The following ERC2 variants were observed in gnomAD, a reference collection of about 807,000 sequenced individuals.
The protein encoded by ERC2 is ELKS/RAB6-interacting/CAST family member 2, also known as ERC protein 2.
Under a neutral mutation model 114.8 loss-of-function variants are expected in ERC2, and 42 were observed. The observed-to-expected ratio is 0.37, with a 90% CI of 0.29 to 0.47. The LOEUF (loss-of-function observed/expected upper bound fraction) is 0.47. Ranked by LOEUF, ERC2 falls within the 20% of genes least tolerant of loss-of-function variation. The pLI is 0.99. For synonymous variants in ERC2, 454 were observed against 425.5 expected (o/e 1.07, Z -0.82); for missense variants, 939 against 1,150.7 (o/e 0.82, Z 2.66).
At chr3:56,104,109 G>C (rs980187527) in intron 6 of ERC2, among the ~76,000 whole-genome samples, 3 of 151,974 alleles carry the variant, frequency 2.0e-5, no homozygotes, top group African/African-American at 7.3e-5. Flanking sequence ...GACCATCTTT[G>C]TCGCTATGAC....
intron 14 of ERC2, among the ~76,000 whole-genome samples, chr3:55,825,473 T>C (rs1252822619): frequency 6.6e-6 from 1 of 152,256 alleles, no homozygotes; most frequent in Non-Finnish European, 1.5e-5. Flanking sequence ...AGAGTTTGTG[T>C]GTGCATATGT....
chr3:55,902,471 A>G (rs940665388), intron 13 of ERC2, among the ~76,000 whole-genome samples: 2 of 152,110 alleles, frequency 1.3e-5, no homozygotes, highest in Non-Finnish European at 2.9e-5. Context: ...AAAGACGCCC[A>G]CCCAAACAGT....
At chr3:55,764,795 A>G (rs983850242) in intron 14 of ERC2, among the ~76,000 whole-genome samples, 1 of 152,228 alleles carries the variant, frequency 6.6e-6, no homozygotes, top group Non-Finnish European at 1.5e-5. Flanking sequence ...GGCTAAATAT[A>G]GAGACATGGG....
At chr3:55,698,155 G>A (rs926657039) in intron 16 of ERC2, among the ~76,000 whole-genome samples, 2 of 151,772 alleles carry the variant, frequency 1.3e-5, no homozygotes, top group African/African-American at 2.4e-5. Context: ...ACTTGGCTTC[G>A]GAAATCTAGA....
chr3:56,322,369 A>C (rs1449462699), intron 2 of ERC2, among the ~76,000 whole-genome samples: 2 of 152,208 alleles, frequency 1.3e-5, no homozygotes, highest in African/African-American at 2.4e-5. Context: ...CACCACTTGC[A>C]TCAAGAGTTT....
chr3:55,670,501 T>C (rs949394115), intron 17 of ERC2, among the ~76,000 whole-genome samples: 1 of 152,148 alleles, frequency 6.6e-6, no homozygotes. Context: ...AGGGTCACCA[T>C]GGGGAATGCA....
chr3:56,302,271 G>C (rs745840992), intron 2 of ERC2, among the ~76,000 whole-genome samples: 5 of 152,100 alleles, frequency 3.3e-5, no homozygotes, highest in South Asian at 4.2e-4. Flanking sequence ...TGTACACTTT[G>C]ACTAGGAACT....
chr3:56,085,037 C>T (rs2077433296), intron 6 of ERC2, among the ~76,000 whole-genome samples: 1 of 152,150 alleles, frequency 6.6e-6, no homozygotes, highest in Non-Finnish European at 1.5e-5. Flanking sequence ...CCCAGCCTTT[C>T]AGCCTCAGTT....
rs9875894 is a variant in ERC2 at position 55,814,222 on chromosome 3, A to T, written c.2564+74167T>A. 5.8e-3 allele frequency among the ~76,000 whole-genome samples: 876 copies of T among 152,314 alleles called. 10 individuals carry two copies. Among genetic ancestry groups the T allele is most frequent in the African/African-American group, 0.02 (834 of 41,568 alleles). On this transcript the variant is annotated intron_variant, in intron 14 of 17. Coordinates refer to ENST00000288221, the MANE Select transcript of ERC2 (RefSeq NM_015576.3). ...AATTCAGGAAGATTTAAATTAGAAG[A>T]TTTTGGTTCCTAGACATGCATAATC...
chr3:55,589,404 C>T (rs772054519), intron 17 of ERC2, among the ~76,000 whole-genome samples: 6 of 152,134 alleles, frequency 3.9e-5, no homozygotes, highest in Middle Eastern at 6.3e-3. Flanking sequence ...AGACACGTGA[C>T]GGTCATTTGG....
At chr3:55,939,994 C>A (rs951957813) in intron 13 of ERC2, among the ~76,000 whole-genome samples, 1 of 152,222 alleles carries the variant, frequency 6.6e-6, no homozygotes, top group East Asian at 1.9e-4. Context: ...GCAGACCCTG[C>A]ACTCCAGATG....
chr3:55,604,816 T>C (rs2058571488), intron 17 of ERC2, among the ~76,000 whole-genome samples: 1 of 152,224 alleles, frequency 6.6e-6, no homozygotes, highest in Non-Finnish European at 1.5e-5. Flanking sequence ...CCATACGTAG[T>C]TACTCTCCCT....
intron 14 of ERC2, among the ~76,000 whole-genome samples, chr3:55,847,524 G>A (rs1292743031): frequency 6.6e-6 from 1 of 152,150 alleles, no homozygotes; most frequent in African/African-American, 2.4e-5. Flanking sequence ...GTGCTCCACA[G>A]CTATTAAAAA....
chr3:55,509,722 A>C lies in ERC2; in HGVS notation c.*1594T>G, dbSNP rs2107113793. On this transcript the variant is annotated 3_prime_UTR_variant, in exon 18 of 18. Coordinates refer to ENST00000288221, the MANE Select transcript of ERC2 (RefSeq NM_015576.3). The stretch of plus-strand genomic sequence containing the variant: ...TAAATATCTCTATGGCTCACAAGAG[A>C]GGTCCAGAGTTAATTGCACCAACAT... The C allele has an allele frequency of 6.5e-6, 1 of 152,756 alleles. No individual in the cohort carries two copies. The highest frequency in any genetic ancestry group is 1.5e-5 in the Non-Finnish European group (1 of 68,028). 9.5% of individuals were successfully genotyped at this position (152,756 alleles called of 1,614,324 possible). A position where few individuals can be genotyped will look rare whatever the true frequency, so the allele number is the denominator to read the frequency against.
intron 12 of ERC2, among the ~76,000 whole-genome samples, chr3:55,957,928 G>A (rs1003141918): frequency 7.9e-5 from 12 of 152,212 alleles, no homozygotes; most frequent in South Asian, 2.1e-4. Context: ...CCAAAGAGCC[G>A]CAGCTGTTCT....
intron 8 of ERC2, among the ~76,000 whole-genome samples, chr3:56,018,655 G>A (rs565998674): frequency 6.6e-6 from 1 of 152,242 alleles, no homozygotes; most frequent in South Asian, 2.1e-4. Flanking sequence ...GCAAGCTAGT[G>A]AAGGTTTTTA....
chr3:56,346,712 C>G (rs561065542), intron 2 of ERC2, among the ~76,000 whole-genome samples: 96 of 152,306 alleles, frequency 6.3e-4, no homozygotes, highest in African/African-American at 2.0e-3. Flanking sequence ...AGTCTATTTG[C>G]TGTTGTTATA....
chr3:56,285,011 TCACACA>T lies in ERC2; in HGVS notation c.1074+11002_1074+11007del, dbSNP rs1224717422. Among the ~76,000 whole-genome samples the T allele has an allele frequency of 2.9e-3, 282 of 95,754 alleles. 1 individual carries two copies. The highest frequency in any genetic ancestry group is 4.3e-3 in the Admixed American group (31 of 7,262). 62.8% of individuals were successfully genotyped at this position (95,754 alleles called of 152,430 possible). A position where few individuals can be genotyped will look rare whatever the true frequency, so the allele number is the denominator to read the frequency against. ...CTGTCTCTCTCTCTCTCTCTCTCTC[TCACACA>T]CACACACACACACATACACACACAC... is the stretch of plus-strand genomic sequence containing the variant. On this transcript the variant is annotated intron_variant, in intron 3 of 17. Transcript: ENST00000288221.
At chr3:56,159,505 G>A (rs1013101436) in intron 4 of ERC2, among the ~76,000 whole-genome samples, 19 of 152,122 alleles carry the variant, frequency 1.2e-4, no homozygotes, top group Admixed American at 5.2e-4. Flanking sequence ...GTTATTTTGC[G>A]CTTTTTATCA....
Sources: gnomAD v4.1 joint callset for allele counts (sites outside exome capture counted in the v4.1 genomes callset) on GRCh38, gnomAD v4.1.1 for gene constraint, MANE v1.5 for transcripts, NCBI Gene and HGNC (gene_info 2026-07-23, HGNC 2026-07-21) for gene names.